The following ENKUR variants were observed in gnomAD, a reference collection of about 807,000 sequenced individuals.
The protein encoded by ENKUR is enkurin, TRPC channel interacting protein.
Under a neutral mutation model 27.6 loss-of-function variants are expected in ENKUR, and 19 were observed. The ratio of observed to expected loss-of-function variants is 0.69; its 90% CI spans 0.48 to 1.01. The LOEUF (loss-of-function observed/expected upper bound fraction) is 1.01, where lower values mean the gene tolerates loss of function less well. Ranked by LOEUF, ENKUR falls within the 50% of genes least tolerant of loss-of-function variation. The pLI is 0.00. For synonymous variants in ENKUR, 117 were observed against 96.9 expected (o/e 1.21, Z -1.22); for missense variants, 312 against 310.5 (o/e 1.00, Z -0.04).
chr10:25,026,101 A>T (rs1850846546), intron 2 of ENKUR: 1 of 155,780 alleles, frequency 6.4e-6, no homozygotes, highest in South Asian at 2.1e-4. Flanking sequence ...CTGATCTTGA[A>T]CCTCTGACCT....
At chr10:25,023,482 G>A in intron 2 of ENKUR, 1 of 1,614,150 alleles carries the variant, frequency 6.2e-7, no homozygotes, top group Non-Finnish European at 8.5e-7. Flanking sequence ...CATAGATGTG[G>A]ATGATGATAT....
At chr10:25,027,357 C>CAAAAAAAAAA (rs71399946) in intron 2 of ENKUR, among the ~76,000 whole-genome samples, 4 of 48,490 alleles carry the variant, frequency 8.2e-5, no homozygotes, top group African/African-American at 4.3e-4. Flanking sequence ...ACTCCCGTCT[C>CAAAAAAAAAA]AAAAAAAAAA....
rs758192465 is a variant in ENKUR at position 24,999,412 on chromosome 10, G to A, written c.212C>T (p.Thr71Ile). 3.7e-6 allele frequency: 6 copies of A among 1,608,256 alleles called. No homozygotes were observed. Among genetic ancestry groups the A allele is most frequent in the South Asian group, 1.1e-5 (1 of 89,344 alleles). The change falls in exon 2 of 6, where the codon ACT (threonine) becomes ATT (isoleucine). Residue 71 changes from threonine to isoleucine, a missense_variant. Transcript: ENST00000331161. ...DFLKKHSKEK[T>I]LPPKKNFDRN... ...ATGATAAAACCTACTGGGTGGTAGAGTTTTTTCCTTTGAATGTTTCTTTAG... is the reference window on the plus strand; with the variant it reads ...ATGATAAAACCTACTGGGTGGTAGAATTTTTTCCTTTGAATGTTTCTTTAG...
chr10:25,046,848 T>G (rs1851126968), intron 2 of ENKUR, among the ~76,000 whole-genome samples: 1 of 152,174 alleles, frequency 6.6e-6, no homozygotes, highest in Admixed American at 6.5e-5. Context: ...CACAAGGGCT[T>G]TGTTGAATGG....
rs557089099 is a variant in ENKUR at position 24,982,041 on chromosome 10, C to T, written c.*2329G>A. ...GGATTTTTTGAGTACCTTCTCTATA[C>T]CAGCTGTTATGCAGATTCTAAGGAA... On this transcript the variant is annotated 3_prime_UTR_variant, in exon 6 of 6. Transcript: ENST00000331161. 6.6e-6 allele frequency: 1 copy of T among 152,158 alleles called. No homozygotes were observed. The highest frequency in any genetic ancestry group is 2.4e-5 in the African/African-American group (1 of 41,438). 9.4% of individuals were successfully genotyped at this position (152,158 alleles called of 1,614,324 possible). A position where few individuals can be genotyped will look rare whatever the true frequency, so the allele number is the denominator to read the frequency against.
chr10:25,011,070 A>T (rs536831629), intron 1 of ENKUR, among the ~76,000 whole-genome samples: 4,220 of 148,140 alleles, frequency 0.028, 208 homozygotes, highest in East Asian at 0.24. Context: ...AACAGTGTAA[A>T]AGTGTTCCTA....
rs1236271484 is a variant in ENKUR at position 24,982,547 on chromosome 10, G to T, written c.*1823C>A. 6.6e-6 allele frequency: 1 copy of T among 152,208 alleles called. No individual in the cohort carries two copies. The highest frequency in any genetic ancestry group is 2.4e-5 in the African/African-American group (1 of 41,454). 9.4% of individuals were successfully genotyped at this position (152,208 alleles called of 1,614,324 possible). On this transcript the variant is annotated 3_prime_UTR_variant, in exon 6 of 6. Coordinates refer to ENST00000331161, the MANE Select transcript of ENKUR (RefSeq NM_145010.4). ...AGGTGTCTACTCCCAAGTGACTGCA[G>T]TCTCCATGTCTCTTAATTCATGCTC... is the stretch of plus-strand genomic sequence containing the variant.
At chr10:25,040,137 A>G (rs1038203041) in intron 2 of ENKUR, among the ~76,000 whole-genome samples, 5 of 152,032 alleles carry the variant, frequency 3.3e-5, no homozygotes, top group African/African-American at 1.2e-4. Flanking sequence ...CAAAAGCAGA[A>G]GCAGAAGCTA....
At chr10:25,023,978 G>C in intron 2 of ENKUR, 2 of 1,614,208 alleles carry the variant, frequency 1.2e-6, no homozygotes, top group Non-Finnish European at 1.7e-6. Context: ...AAATTCTTTA[G>C]TGAAGCTGTA....
intron 4 of ENKUR, among the ~76,000 whole-genome samples, chr10:24,988,704 A>ATG (rs1410185939): frequency 8.6e-4 from 35 of 40,802 alleles, no homozygotes; most frequent in African/African-American, 4.9e-3. Flanking sequence ...ATATATATAT[A>ATG]TATATATATA....
upstream of ENKUR, chr10:25,016,272 G>T: frequency 1.3e-6 from 1 of 745,032 alleles, no homozygotes; most frequent in Non-Finnish European, 1.7e-6. Flanking sequence ...AGCTCATTTG[G>T]AAGCCACTGT....
intron 3 of ENKUR, among the ~76,000 whole-genome samples, chr10:24,995,222 C>T (rs1167206174): frequency 6.6e-6 from 1 of 152,166 alleles, no homozygotes; most frequent in Admixed American, 6.5e-5. Flanking sequence ...GGCTCTAAAG[C>T]TGCATTCTGC....
rs1345613373 is a variant in ENKUR, at chr10:24,992,338, A to G, written c.448-1729T>C. Among the ~76,000 whole-genome samples, 3 of 152,210 alleles carry G rather than the reference A, an allele frequency of 2.0e-5. No homozygotes were observed. In the East Asian group the frequency reaches 5.8e-4, roughly 29 times the overall value. The stretch of plus-strand genomic sequence containing the variant: ...GAAAATAATAGGGGCTATTTTAGAT[A>G]AATAAGGAGGTCGGGGAGGAACTCT... On this transcript the variant is annotated intron_variant, in intron 3 of 5. Coordinates refer to ENST00000331161, the MANE Select transcript of ENKUR (RefSeq NM_145010.4).
chr10:25,024,243 G>C (rs987239883), intron 2 of ENKUR: 2 of 1,614,056 alleles, frequency 1.2e-6, no homozygotes, highest in African/African-American at 1.3e-5. Context: ...AGTTCATCCT[G>C]GAGTTGTTTC....
chr10:25,000,902 G>A (rs1195505694), intron 1 of ENKUR, among the ~76,000 whole-genome samples: 1 of 151,976 alleles, frequency 6.6e-6, no homozygotes, highest in African/African-American at 2.4e-5. Context: ...TAGCTTTACA[G>A]TATACAGGTT....
chr10:24,991,868 C>G (rs1268688743), intron 3 of ENKUR, among the ~76,000 whole-genome samples: 1 of 152,204 alleles, frequency 6.6e-6, no homozygotes, highest in Non-Finnish European at 1.5e-5. Context: ...CACACGCCCA[C>G]TGCGGCTTCA....
chr10:25,012,951 A>C (rs1474114289), intron 1 of ENKUR, among the ~76,000 whole-genome samples: 1 of 152,168 alleles, frequency 6.6e-6, no homozygotes, highest in Non-Finnish European at 1.5e-5. Context: ...TAATTCCCAT[A>C]TGTCATGGGA....
At chr10:25,035,371 A>G (rs1386297646) in intron 2 of ENKUR, among the ~76,000 whole-genome samples, 2 of 152,192 alleles carry the variant, frequency 1.3e-5, no homozygotes, top group Non-Finnish European at 2.9e-5. Context: ...CATGGCCAAC[A>G]TGGAAAAACC....
intron 2 of ENKUR, among the ~76,000 whole-genome samples, chr10:25,059,860 A>G (rs1851306912): frequency 6.6e-6 from 1 of 151,966 alleles, no homozygotes. Context: ...ATTACATTTT[A>G]GTGGGGATGG....
Sources: gnomAD v4.1 joint callset for allele counts (sites outside exome capture counted in the v4.1 genomes callset) on GRCh38, gnomAD v4.1.1 for gene constraint, MANE v1.5 for transcripts, NCBI Gene and HGNC (gene_info 2026-07-23, HGNC 2026-07-21) for gene names.